QTGAL: variants seen among roughly 807,000 people sequenced by gnomAD.
QTGAL encodes the protein BGnT-like protein 1.
At chr17:82,958,071 C>T in the QTGAL span, among the ~76,000 whole-genome samples, 25 of 152,080 alleles carry the variant, frequency 1.6e-4, no homozygotes, top group Non-Finnish European at 3.2e-4. Context: ...TTCCCAGCCC[C>T]GCCCTCTCTC....
At chr17:83,038,699 C>A in the QTGAL span, among the ~76,000 whole-genome samples, 866 of 152,042 alleles carry the variant, frequency 5.7e-3, 7 homozygotes, top group African/African-American at 0.02. Flanking sequence ...TCTACTAAAA[C>A]TACAAAAAAA....
the QTGAL span, chr17:82,965,589 C>T: frequency 1.4e-6 from 2 of 1,452,604 alleles, no homozygotes; most frequent in Admixed American, 2.0e-5. Flanking sequence ...GTGCAGAGCC[C>T]ACACACAGAG....
At chr17:82,957,221 T>G in the QTGAL span, 1 of 1,614,172 alleles carries the variant, frequency 6.2e-7, no homozygotes, top group Non-Finnish European at 8.5e-7. Flanking sequence ...CCTGATCTTG[T>G]TCTCGTCCAC....
the QTGAL span, among the ~76,000 whole-genome samples, chr17:82,998,473 G>A: frequency 2.0e-5 from 3 of 152,182 alleles, no homozygotes; most frequent in Non-Finnish European, 4.4e-5. Flanking sequence ...AGCCTCCTGA[G>A]TAGCTGGGAC....
chr17:83,007,070 G>A, the QTGAL span: 2 of 475,876 alleles, frequency 4.2e-6, no homozygotes, highest in Non-Finnish European at 5.5e-6. Flanking sequence ...GCATCTTTTC[G>A]CCTGGTTCTT....
At chr17:83,017,860 C>T in the QTGAL span, among the ~76,000 whole-genome samples, 7 of 150,662 alleles carry the variant, frequency 4.6e-5, no homozygotes, top group Admixed American at 4.0e-4. Flanking sequence ...GTGCCTGTAT[C>T]GGGTACCACA....
the QTGAL span, among the ~76,000 whole-genome samples, chr17:82,998,814 G>A: frequency 6.6e-6 from 1 of 152,044 alleles, no homozygotes; most frequent in Non-Finnish European, 1.5e-5. Context: ...ACAAAAATGG[G>A]CAAAGGATGT....
At chr17:82,959,336 A>G in the QTGAL span, among the ~76,000 whole-genome samples, 1 of 151,536 alleles carries the variant, frequency 6.6e-6, no homozygotes, top group Admixed American at 6.6e-5. Context: ...TACCGTGCAG[A>G]TGTGTGTACA....
At chr17:83,006,263 T>C in the QTGAL span, 2 of 985,600 alleles carry the variant, frequency 2.0e-6, no homozygotes, top group Non-Finnish European at 2.4e-6. This position sits in a 1 kb window ranked among gnomAD's most constrained non-coding sequence, Gnocchi z 5.8. Flanking sequence ...CTGAGGCCCC[T>C]GGATCTGTCT....
At chr17:82,970,032 C>T in the QTGAL span, among the ~76,000 whole-genome samples, 5 of 152,166 alleles carry the variant, frequency 3.3e-5, no homozygotes, top group Admixed American at 6.5e-5. Context: ...TCAGAACGAA[C>T]ATTTTAAAGT....
the QTGAL span, chr17:82,981,077 A>C: frequency 6.6e-6 from 1 of 152,232 alleles, no homozygotes; most frequent in Non-Finnish European, 1.5e-5. Flanking sequence ...AAGGCTCAAT[A>C]CTTTAAAAGA....
chr17:82,966,537 C>T, the QTGAL span, among the ~76,000 whole-genome samples: 1 of 152,118 alleles, frequency 6.6e-6, no homozygotes, highest in African/African-American at 2.4e-5. Flanking sequence ...AGAACAGAGA[C>T]CAGAAGCAGA....
At chr17:83,036,364 G>C in the QTGAL span, among the ~76,000 whole-genome samples, 2 of 152,198 alleles carry the variant, frequency 1.3e-5, no homozygotes, top group African/African-American at 2.4e-5. Context: ...CTTGGGGAAG[G>C]GGGTGACCAG....
chr17:82,970,550 G>GCGTGGACTGACCTCTGCACACA, the QTGAL span, among the ~76,000 whole-genome samples: 1 of 91,668 alleles, frequency 1.1e-5, no homozygotes, highest in Non-Finnish European at 2.1e-5. Context: ...CTCCGCACCC[G>GCGTGGACTGACCTCTGCACACA]GCGTGGCCGC....
the QTGAL span, among the ~76,000 whole-genome samples, chr17:82,970,514 T>TCCTCCGCACCCAGTGTGGACATGA: frequency 0.037 from 2,081 of 56,626 alleles, 291 homozygotes; most frequent in Middle Eastern, 0.096. Context: ...CAAACACAGG[T>TCCTCCGCACCCAGTGTGGACATGA]CCTCCCCACC....
the QTGAL span, among the ~76,000 whole-genome samples, chr17:82,970,050 C>T: frequency 1.3e-5 from 2 of 152,178 alleles, no homozygotes; most frequent in Admixed American, 6.5e-5. Context: ...AGTGAAATAA[C>T]GCAGTTCTAT....
the QTGAL span, among the ~76,000 whole-genome samples, chr17:83,010,289 A>G: frequency 6.6e-6 from 1 of 152,140 alleles, no homozygotes; most frequent in African/African-American, 2.4e-5. Context: ...TTGAAGGCGA[A>G]GGTGAAGGAG....
the QTGAL span, among the ~76,000 whole-genome samples, chr17:83,046,993 C>T: frequency 2.0e-5 from 3 of 152,238 alleles, no homozygotes; most frequent in Non-Finnish European, 4.4e-5. Context: ...TGACTCCATT[C>T]ACATGAAATG....
At chr17:83,024,977 G>A in the QTGAL span, among the ~76,000 whole-genome samples, 116 of 152,350 alleles carry the variant, frequency 7.6e-4, no homozygotes, top group Admixed American at 3.3e-3. Context: ...GGAGCAAGAC[G>A]TCCCCCAAGG....
Sources: gnomAD v4.1 joint callset for allele counts (sites outside exome capture counted in the v4.1 genomes callset) on GRCh38, gnomAD v4.1.1 for gene constraint, Gnocchi (gnomAD v3.1) non-coding constraint, MANE v1.5 for transcripts, NCBI Gene and HGNC (gene_info 2026-07-23, HGNC 2026-07-21) for gene names.